MDN1: variants seen among roughly 807,000 people sequenced by gnomAD.
MDN1 encodes midasin AAA ATPase 1.
A neutral mutation model predicts 669.2 loss-of-function variants in MDN1; 266 were observed. That is an observed-to-expected ratio of 0.40 (90% CI 0.36 to 0.44). MDN1 has a LOEUF of 0.44. MDN1 is among the 20% of genes least tolerant of loss of function. MDN1 has a pLI of 1.00. For missense variants in MDN1, 5,940 were observed against 6,754.0 expected (o/e 0.88, Z 4.22); for synonymous variants, 2,385 against 2,457.1 (o/e 0.97, Z 0.87).
intron 38 of MDN1, 59 bp downstream of exon 38, chr6:89,725,140 A>T: frequency 6.8e-7 from 1 of 1,476,420 alleles, no homozygotes; most frequent in South Asian, 1.1e-5. Context: ...AGGCTTCATA[A>T]TAGTAGTCTT....
intron 75 of MDN1, among the ~76,000 whole-genome samples, 162 bp from the exon 76 acceptor site, chr6:89,677,858 T>C (rs1169267945): frequency 6.6e-6 from 1 of 152,224 alleles, no homozygotes; most frequent in East Asian, 1.9e-4. Flanking sequence ...TGAAACAGGA[T>C]CTGTAGCTGC....
chr6:89,804,540 T>C (rs1009251343), intron 1 of MDN1, among the ~76,000 whole-genome samples: 3 of 152,022 alleles, frequency 2.0e-5, no homozygotes, highest in African/African-American at 7.2e-5. Flanking sequence ...CTCCTTTAAC[T>C]CTTGAAGAAA....
intron 97 of MDN1, among the ~76,000 whole-genome samples, chr6:89,648,804 C>A (rs1288292370): frequency 8.0e-6 from 1 of 125,750 alleles, no homozygotes; most frequent in Non-Finnish European, 1.6e-5. Flanking sequence ...AACCCTGTAA[C>A]CCTGTCTTCA....
intron 88 of MDN1, among the ~76,000 whole-genome samples, chr6:89,659,273 C>T (rs7739894): frequency 0.84 from 127,764 of 152,228 alleles, 53,821 homozygotes; most frequent in East Asian, 1. Flanking sequence ...CTCAGCAGGC[C>T]GAGGCAGGAG....
At chr6:89,688,024 T>A in intron 67 of MDN1, 54 bp downstream of exon 67, 1 of 1,419,304 alleles carries the variant, frequency 7.0e-7, no homozygotes, top group Non-Finnish European at 1.0e-6. Flanking sequence ...CCACAAGACG[T>A]ATCTTTTGCC....
At chr6:89,808,193 T>G (rs1337722404) in intron 1 of MDN1, among the ~76,000 whole-genome samples, 2 of 152,144 alleles carry the variant, frequency 1.3e-5, no homozygotes, top group East Asian at 3.8e-4. Context: ...TCTGTTGCAG[T>G]GACTGACTTT....
intron 84 of MDN1, among the ~76,000 whole-genome samples, chr6:89,666,480 G>A (rs950481445): frequency 2.0e-5 from 3 of 151,478 alleles, no homozygotes; most frequent in African/African-American, 7.3e-5. Context: ...GGCCAGGCTG[G>A]GTTTTGTTTT....
Position 89,742,074 on chromosome 6 carries a change from C to T in MDN1, c.4448+1076G>A, listed in dbSNP as rs9353693. Among the ~76,000 whole-genome samples the T allele has an allele frequency of 0.013, 2,022 of 152,180 alleles. 133 individuals carry two copies. In the East Asian group the frequency reaches 0.22, roughly 16 times the overall value. Reference sequence around the variant, plus strand: ...CAAGATCGCATCGCTGCACTCCAGCCTGGGTGACAGAAGTAGACTCTGTCT... The same window carrying T: ...CAAGATCGCATCGCTGCACTCCAGCTTGGGTGACAGAAGTAGACTCTGTCT... On this transcript the variant is annotated intron_variant, in intron 31 of 101. Coordinates refer to ENST00000369393, the MANE Select transcript of MDN1 (RefSeq NM_014611.3).
intron 100 of MDN1, among the ~76,000 whole-genome samples, chr6:89,645,899 T>C (rs1203809009): frequency 6.6e-6 from 1 of 152,214 alleles, no homozygotes; most frequent in African/African-American, 2.4e-5. Flanking sequence ...ATAATTGGCA[T>C]GTTTCAAGCC....
chr6:89,658,165 C>A, intron 90 of MDN1, 44 bp downstream of exon 90: 1 of 1,609,450 alleles, frequency 6.2e-7, no homozygotes, highest in Non-Finnish European at 8.5e-7. Context: ...GAGAAGAGAC[C>A]CTACTAAGAG....
chr6:89,751,471 T>A lies in MDN1; in HGVS notation c.3187A>T (p.Lys1063Ter). The change falls in exon 23 of 102, where the codon AAG becomes TAG. Residue 1063 changes from lysine to a stop codon, truncating the protein, a stop_gained. Coordinates refer to ENST00000369393, the MANE Select transcript of MDN1 (RefSeq NM_014611.3). LOFTEE classifies it high-confidence loss of function. ...DETYILTSSV[K>*]LNLRDIVRVV... Reference sequence around the variant, plus strand: ...CGGACTATATCTCTCAGGTTCAGCTTCACAGAAGATGTCAGAATGTACGTC... The same window carrying A: ...CGGACTATATCTCTCAGGTTCAGCTACACAGAAGATGTCAGAATGTACGTC... 6.2e-7 allele frequency: 1 copy of A among 1,614,172 alleles called. No individual in the cohort carries two copies. The highest frequency in any genetic ancestry group is 8.5e-7 in the Non-Finnish European group (1 of 1,180,030).
chr6:89,660,175 C>T (rs1433238743), intron 88 of MDN1, among the ~76,000 whole-genome samples: 1 of 152,096 alleles, frequency 6.6e-6, no homozygotes, highest in Non-Finnish European at 1.5e-5. Context: ...ACATGAACCA[C>T]CGCGCCTGGC....
In MDN1 at chr6:89,662,130, T is replaced by C. The variant is rs751521897; in HGVS notation, c.14522A>G (p.Asp4841Gly). 1.2e-6 allele frequency: 2 copies of C among 1,613,804 alleles called. No homozygotes were observed. Among genetic ancestry groups the C allele is most frequent in the Non-Finnish European group, 8.5e-7 (1 of 1,179,994 alleles). Reference protein sequence around the residue: ...KEEKEEAEADDGGQGEDKINE... With the variant: ...KEEKEEAEADGGGQGEDKINE... Reference sequence around the variant, plus strand: ...AATTTTGTCTTCACCTTGTCCACCATCATCAGCTTCTGCTTCTTCCTTTTC... The same window carrying C: ...AATTTTGTCTTCACCTTGTCCACCACCATCAGCTTCTGCTTCTTCCTTTTC... The change falls in exon 87 of 102, where the codon GAT becomes GGT. Residue 4841 changes from aspartate (D) to glycine (G), a missense_variant. By Grantham distance (94) the Asp-to-Gly change is moderately conservative. Coordinates refer to ENST00000369393, the MANE Select transcript of MDN1 (RefSeq NM_014611.3).
Position 89,803,501 on chromosome 6 carries a change from A to G in MDN1, c.156T>C (p.Leu52=). 6.2e-7 allele frequency: 1 copy of G among 1,614,094 alleles called. No homozygotes were observed. ...QCVLSTLAQL[L]LDKDCTVLVG... The stretch of plus-strand genomic sequence containing the variant: ...CCAGCACAGTACAGTCCTTATCCAA[A>G]AGCAACTGTGCTAAGGTACTCAGGA... The change falls in exon 2 of 102, where the codon CTT becomes CTC. Residue 52 remains leucine (L), a synonymous_variant. Transcript: ENST00000369393.
At chr6:89,674,072 A>C in intron 79 of MDN1, 32 bp downstream of exon 79, 1 of 1,606,286 alleles carries the variant, frequency 6.2e-7, no homozygotes, top group African/African-American at 1.3e-5. Context: ...ACCTAAGCAC[A>C]CAGAGAAGTG....
In MDN1 at chr6:89,714,642, G is replaced by C. The variant is rs767423996; in HGVS notation, c.6970C>G (p.Leu2324Val). 6.2e-7 allele frequency: 1 copy of C among 1,614,096 alleles called. No individual in the cohort carries two copies. The highest frequency in any genetic ancestry group is 1.1e-5 in the South Asian group (1 of 91,056). ...GEGDASTPDN[L>V]DLKVLLHSLG... The stretch of plus-strand genomic sequence containing the variant: ...CTGTGCAGCAGAACTTTCAAATCCA[G>C]GTTGTCTGGGGTGCTTGCATCCCCT... Residue 2324 changes from leucine to valine, a missense_variant, in exon 46 of 102, where the codon CTG (leucine) becomes GTG (valine). Leu to Val is a conservative substitution (Grantham distance 32). Around this residue, in one of 5 missense-constraint regions of MDN1, gnomAD observed 2,292 missense variants for 2,638.3 expected, o/e 0.87. Coordinates refer to ENST00000369393, the MANE Select transcript of MDN1 (RefSeq NM_014611.3).
At chr6:89,718,069 T>G (rs1198269705) in intron 43 of MDN1, among the ~76,000 whole-genome samples, 3 of 152,182 alleles carry the variant, frequency 2.0e-5, no homozygotes, top group Non-Finnish European at 4.4e-5. Flanking sequence ...AATTATTGAG[T>G]AAAAAAATAG....
intron 33 of MDN1, among the ~76,000 whole-genome samples, chr6:89,734,302 A>C (rs1815784138): frequency 6.6e-6 from 1 of 151,844 alleles, no homozygotes; most frequent in East Asian, 1.9e-4. Context: ...TAAAAATAAA[A>C]ATAAAACACA....
chr6:89,710,003 C>T (rs1400213397), intron 50 of MDN1, among the ~76,000 whole-genome samples: 1 of 152,182 alleles, frequency 6.6e-6, no homozygotes, highest in Non-Finnish European at 1.5e-5. Flanking sequence ...TGGACTTACA[C>T]AATCCTCCTC....
Sources: allele counts gnomAD v4.1 joint callset (sites outside exome capture counted in the v4.1 genomes callset), GRCh38; gene constraint gnomAD v4.1.1; regional missense constraint gnomAD v4.1.1; transcripts MANE v1.5; gene names NCBI Gene and HGNC (gene_info 2026-07-23, HGNC 2026-07-21).